Variants in HRH1 observed in about 807,000 individuals in gnomAD.
HRH1 encodes the protein histamine H1 receptor.
HRH1 carries 6 observed loss-of-function variants against 10.3 expected under a neutral mutation model. The observed-to-expected ratio is 0.58, with a 90% CI of 0.32 to 1.15. The LOEUF (loss-of-function observed/expected upper bound fraction) is 1.15, where lower values mean the gene tolerates loss of function less well. Ranked by LOEUF, HRH1 falls within the 50% of genes most tolerant of loss-of-function variation. The pLI is 0.05. For synonymous variants in HRH1, 242 were observed against 236.7 expected (o/e 1.02, Z -0.21); for missense variants, 514 against 615.3 (o/e 0.84, Z 1.74).
At chr3:11,193,939 G>T (rs1937595122) in intron 1 of HRH1, among the ~76,000 whole-genome samples, 1 of 152,270 alleles carries the variant, frequency 6.6e-6, no homozygotes, top group Non-Finnish European at 1.5e-5. Context: ...CAAGGTATCA[G>T]CTTACATATT....
chr3:11,151,506 CGGT>C (rs35808473), upstream of HRH1, among the ~76,000 whole-genome samples: 41,558 of 151,392 alleles, frequency 0.27, 7,441 homozygotes, highest in African/African-American at 0.51. Flanking sequence ...TTTGGGGGGG[CGGT>C]GGTGGTGGGT....
intron 1 of HRH1, among the ~76,000 whole-genome samples, chr3:11,197,777 A>G (rs753367519): frequency 4.6e-5 from 7 of 152,194 alleles, no homozygotes; most frequent in Non-Finnish European, 1.0e-4. Context: ...AATTGAAGGA[A>G]AAAAACAGCT....
intron 1 of HRH1, among the ~76,000 whole-genome samples, chr3:11,141,763 A>T (rs923278429): frequency 2.6e-5 from 4 of 152,290 alleles, no homozygotes; most frequent in African/African-American, 9.6e-5. Flanking sequence ...ATCAGCCCTA[A>T]TTCAGTGTGG....
At chr3:11,191,332 T>C (rs770573771) in intron 1 of HRH1, among the ~76,000 whole-genome samples, 5 of 152,098 alleles carry the variant, frequency 3.3e-5, no homozygotes, top group Non-Finnish European at 5.9e-5. Context: ...ATGTCAAGCA[T>C]GTTAGTTTCT....
chr3:11,194,895 G>A (rs1475156674), intron 1 of HRH1, among the ~76,000 whole-genome samples: 1 of 152,204 alleles, frequency 6.6e-6, no homozygotes, highest in Non-Finnish European at 1.5e-5. Flanking sequence ...GAAATTGCCA[G>A]TTTGATATTT....
chr3:11,220,403 G>A (rs1285545900), intron 1 of HRH1, among the ~76,000 whole-genome samples: 1 of 152,174 alleles, frequency 6.6e-6, no homozygotes, highest in Admixed American at 6.5e-5. Context: ...TACTGCTGAG[G>A]TGCAGTGTCC....
rs367948463 is a variant in HRH1, at chr3:11,217,053, A to G, written c.-35-41950A>G. Among the ~76,000 whole-genome samples the G allele has an allele frequency of 2.2e-3, 340 of 151,166 alleles. 3 individuals carry two copies. The highest frequency in any genetic ancestry group is 7.2e-3 in the African/African-American group (297 of 41,160). Reference sequence around the variant, plus strand: ...ACAAAAAAATTAGCCAGGCTTGGTGAGGTACGCCTGTAGTCCCAGCTACTC... The same window carrying G: ...ACAAAAAAATTAGCCAGGCTTGGTGGGGTACGCCTGTAGTCCCAGCTACTC... On this transcript the variant is annotated intron_variant, in intron 1 of 1. Transcript: ENST00000431010.
At chr3:11,242,628 C>T (rs1002113752) in intron 1 of HRH1, among the ~76,000 whole-genome samples, 3 of 152,040 alleles carry the variant, frequency 2.0e-5, no homozygotes, top group Non-Finnish European at 2.9e-5. Context: ...TTCCCAAATG[C>T]CAGCTCATTT....
chr3:11,236,416 G>A (rs980254655), intron 1 of HRH1, among the ~76,000 whole-genome samples: 1 of 146,008 alleles, frequency 6.8e-6, no homozygotes, highest in Admixed American at 6.9e-5. Context: ...GAGACAGAGC[G>A]AGACTCCGTC....
At chr3:11,178,134 C>A (rs1436832174) in intron 1 of HRH1, among the ~76,000 whole-genome samples, 1 of 152,168 alleles carries the variant, frequency 6.6e-6, no homozygotes, top group Non-Finnish European at 1.5e-5. Context: ...CGTCCTTCAG[C>A]TCCCATCACT....
At chr3:11,212,280 TTATATATATG>T in intron 1 of HRH1, among the ~76,000 whole-genome samples, 1 of 152,324 alleles carries the variant, frequency 6.6e-6, no homozygotes, top group East Asian at 1.9e-4. Context: ...AGAAAAAGCT[TTATATATATG>T]TATATATATT....
At chr3:11,249,468 G>C (rs975541231) in intron 1 of HRH1, among the ~76,000 whole-genome samples, 1 of 151,470 alleles carries the variant, frequency 6.6e-6, no homozygotes, top group African/African-American at 2.4e-5. Flanking sequence ...GGAGGTGGAG[G>C]AGCAATGAAG....
At chr3:11,213,285 T>A (rs1938386698) in intron 1 of HRH1, among the ~76,000 whole-genome samples, 1 of 152,240 alleles carries the variant, frequency 6.6e-6, no homozygotes, top group African/African-American at 2.4e-5. Context: ...GATTGGTTGA[T>A]TGAACGAATT....
intron 1 of HRH1, among the ~76,000 whole-genome samples, chr3:11,176,178 A>AAAAAAAG (rs1937245283): frequency 6.6e-6 from 1 of 151,930 alleles, no homozygotes; most frequent in African/African-American, 2.4e-5. Flanking sequence ...CAAAAAAAAA[A>AAAAAAAG]AAAAGAGAGA....
chr3:11,215,783 C>A (rs1179800593), intron 1 of HRH1, among the ~76,000 whole-genome samples: 1 of 152,204 alleles, frequency 6.6e-6, no homozygotes, highest in Non-Finnish European at 1.5e-5. Flanking sequence ...GGGACTTTGA[C>A]TAATTCAGTG....
rs192251857 is a variant in HRH1 at position 11,181,867 on chromosome 3, G to A, written c.-36+27313G>A. Among the ~76,000 whole-genome samples, 564 of 152,206 alleles carry A rather than the reference G, an allele frequency of 3.7e-3. 5 individuals are homozygous for A. Among genetic ancestry groups the A allele is most frequent in the African/African-American group, 0.013 (532 of 41,530 alleles). ...AGGATGGTCTCGATCTCCTGACCTC[G>A]TGATCCTCCCGCCTTGGCTTCCCAA... is the stretch of plus-strand genomic sequence containing the variant. On this transcript the variant is annotated intron_variant, in intron 1 of 1. Transcript: ENST00000431010.
intron 1 of HRH1, among the ~76,000 whole-genome samples, chr3:11,244,381 A>G (rs1939427175): frequency 6.6e-6 from 1 of 152,246 alleles, no homozygotes; most frequent in African/African-American, 2.4e-5. Flanking sequence ...CTGTATACTC[A>G]GCTGAGAAGC....
chr3:11,199,128 C>CAGGCTGGTCTTGAACTCCTGG (rs998519680), intron 1 of HRH1, among the ~76,000 whole-genome samples: 2 of 152,002 alleles, frequency 1.3e-5, no homozygotes, highest in Non-Finnish European at 2.9e-5. Context: ...CCGTGTTGGC[C>CAGGCTGGTCTTGAACTCCTGG]AGGCTGGTCT....
upstream of HRH1, among the ~76,000 whole-genome samples, chr3:11,150,413 C>T (rs1936577650): frequency 6.6e-6 from 1 of 152,270 alleles, no homozygotes; most frequent in African/African-American, 2.4e-5. Context: ...TTGGATTTCT[C>T]AGCACCCAGA....
Sources: gnomAD v4.1 joint callset for allele counts (sites outside exome capture counted in the v4.1 genomes callset) on GRCh38, gnomAD v4.1.1 for gene constraint, MANE v1.5 for transcripts, NCBI Gene and HGNC (gene_info 2026-07-23, HGNC 2026-07-21) for gene names.